SLC2A4: variants seen among roughly 807,000 people sequenced by gnomAD.
SLC2A4 encodes solute carrier family 2 member 4.
Under a neutral mutation model 53.3 loss-of-function variants are expected in SLC2A4, and 31 were observed. The ratio of observed to expected loss-of-function variants is 0.58; its 90% confidence interval spans 0.44 to 0.78. The LOEUF (loss-of-function observed/expected upper bound fraction) is 0.78, where lower values mean the gene tolerates loss of function less well. SLC2A4 is among the 30% of genes least tolerant of loss of function. The pLI is 0.00. For synonymous variants in SLC2A4, 276 were observed against 281.9 expected (o/e 0.98, Z 0.21); for missense variants, 538 against 655.7 (o/e 0.82, Z 1.96).
chr17:7,284,352 C>G lies in SLC2A4; in HGVS notation c.700C>G (p.Gln234Glu), dbSNP rs755126006. 1.9e-6 allele frequency: 3 copies of G among 1,614,162 alleles called. No individual in the cohort carries two copies. In the East Asian group the frequency reaches 6.7e-5, roughly 36 times the overall value. The change falls in exon 6 of 11, where the codon CAG becomes GAG. Residue 234 changes from glutamine (Q) to glutamate (E), a missense_variant. Transcript: ENST00000317370. This position sits in a 1 kb window ranked among gnomAD's most constrained non-coding sequence, Gnocchi z 7.5. ...GAGCCCCCGCTACCTCTACATCATCCAGAATCTCGAGGGGCCTGCCAGAAA... is the reference window on the plus strand; with the variant it reads ...GAGCCCCCGCTACCTCTACATCATCGAGAATCTCGAGGGGCCTGCCAGAAA... ...PESPRYLYII[Q>E]NLEGPARKSL...
In SLC2A4 at chr17:7,282,437, G is replaced by A; in HGVS notation, c.33+470G>A. 2.2e-6 allele frequency: 1 copy of A among 456,572 alleles called. No individual in the cohort carries two copies. Among genetic ancestry groups the A allele is most frequent in the Non-Finnish European group, 4.4e-6 (1 of 227,192 alleles). The allele number at this position is 456,572 out of a possible 1,614,324, so 28.3% of individuals were successfully genotyped here. A position where few individuals can be genotyped will look rare whatever the true frequency, so the allele number is the denominator to read the frequency against. ...CTTTCCCTTGGCCCCATGGTTGGTG[G>A]AGGGGCAGAGGGGACTGTCAGCCCC... is the stretch of plus-strand genomic sequence containing the variant. On this transcript the variant is annotated intron_variant, in intron 1 of 10. Transcript: ENST00000317370. The surrounding 1 kb of genome is among the most constrained non-coding windows in gnomAD (Gnocchi z 4.1).
At position 7,282,028 on chromosome 17, in the gene SLC2A4, G is replaced by A; in HGVS notation, c.33+61G>A. ...ACGGGTCCCGCTTTTCTTGGGCTGG[G>A]GTCGCGGTTGGGGTCAGCTGGGGGT... On this transcript the variant is annotated intron_variant, in intron 1 of 10. Transcript: ENST00000317370. The surrounding 1 kb of genome is among the most constrained non-coding windows in gnomAD (Gnocchi z 4.1). 1 of 1,458,480 alleles carries A rather than the reference G, an allele frequency of 6.9e-7. No individual in the cohort carries two copies. Among genetic ancestry groups the A allele is most frequent in the Non-Finnish European group, 9.5e-7 (1 of 1,054,290 alleles). The allele number at this position is 1,458,480 out of a possible 1,614,324, so 90.3% of individuals were successfully genotyped here.
In SLC2A4 at chr17:7,281,938, C is replaced by A; in HGVS notation, c.4C>A (p.Pro2Thr). The change falls in exon 1 of 11, where the codon CCG (proline) becomes ACG (threonine). Residue 2 changes from proline (P) to threonine (T), a missense_variant. Pro to Thr is a conservative substitution (Grantham distance 38, BLOSUM62 -1). Transcript: ENST00000317370. M[P>T]SGFQQIGSED... ...CGTCCAGCTCTTCTAAGACGAGATG[C>A]CGTCGGGCTTCCAACAGATAGGCTC... 1 of 1,605,568 alleles carries A rather than the reference C, an allele frequency of 6.2e-7. No homozygotes were observed.
Position 7,281,980 on chromosome 17 carries a change from A to AAT in SLC2A4, c.33+13_33+14insAT. ...GATAGGCTCCGAAGTAGGATTCATC[A>AAT]TGAGGGGGCGGGGCGGGGGGGCACG... On this transcript the variant is annotated intron_variant, in intron 1 of 10. Transcript: ENST00000317370. The AAT allele has an allele frequency of 1.9e-6, 1 of 533,734 alleles. No homozygotes were observed. The highest frequency in any genetic ancestry group is 3.6e-6 in the Non-Finnish European group (1 of 274,594). 33.1% of individuals were successfully genotyped at this position (533,734 alleles called of 1,614,324 possible).
rs751927396 is a variant in SLC2A4 at position 7,283,763 on chromosome 17, G to A, written c.349G>A (p.Val117Ile). The A allele has an allele frequency of 1.1e-5, 18 of 1,614,128 alleles. No individual in the cohort carries two copies. The highest frequency in any genetic ancestry group is 1.7e-5 in the Admixed American group (1 of 60,028). The change falls in exon 4 of 11, where the codon GTC (valine) becomes ATC (isoleucine). Residue 117 changes from valine (V) to isoleucine (I), a missense_variant. Coordinates refer to ENST00000317370, the MANE Select transcript of SLC2A4 (RefSeq NM_001042.3). This position sits in a 1 kb window ranked among gnomAD's most constrained non-coding sequence, Gnocchi z 5.8. ...GAAAAGGGCCATGCTGGTCAACAAT[G>A]TCCTGGCGGTGCTGGGGGGCAGCCT... is the stretch of plus-strand genomic sequence containing the variant. ...GRKRAMLVNN[V>I]LAVLGGSLMG...
chr17:7,282,258 A>G lies in SLC2A4; in HGVS notation c.33+291A>G. ...GGCGCGGCGCTCCGGAATCGGGGAC[A>G]CCCTGCCCTCGATCCGACTCGGGAA... On this transcript the variant is annotated intron_variant, in intron 1 of 10. Transcript: ENST00000317370. This position sits in a 1 kb window ranked among gnomAD's most constrained non-coding sequence, Gnocchi z 4.1. 8.4e-6 allele frequency: 5 copies of G among 595,818 alleles called. No homozygotes were observed. Among genetic ancestry groups the G allele is most frequent in the South Asian group, 7.9e-5 (5 of 63,278 alleles). 36.9% of individuals were successfully genotyped at this position (595,818 alleles called of 1,614,324 possible).
rs768453800 is a variant in SLC2A4 at position 7,285,832 on chromosome 17, C to T, written c.1250C>T (p.Pro417Leu). ...VAELFSQGPR[P>L]AAMAVAGFSN... Reference sequence around the variant, plus strand: ...GAGCTCTTCAGCCAGGGACCCCGCCCGGCAGCCATGGCTGTGGCTGGTTTC... The same window carrying T: ...GAGCTCTTCAGCCAGGGACCCCGCCTGGCAGCCATGGCTGTGGCTGGTTTC... Residue 417 changes from proline to leucine, a missense_variant, in exon 10 of 11, where the codon CCG (proline) becomes CTG (leucine). Coordinates refer to ENST00000317370, the MANE Select transcript of SLC2A4 (RefSeq NM_001042.3). The surrounding 1 kb of genome is among the most constrained non-coding windows in gnomAD (Gnocchi z 6.0). 12 of 1,614,098 alleles carry T rather than the reference C, an allele frequency of 7.4e-6. No individual in the cohort carries two copies. The highest frequency in any genetic ancestry group is 4.5e-5 in the East Asian group (2 of 44,898).
At position 7,285,268 on chromosome 17, in the gene SLC2A4, C is replaced by T; in HGVS notation, c.1122+79C>T. 1 of 1,175,484 alleles carries T rather than the reference C, an allele frequency of 8.5e-7. No homozygotes were observed. The highest frequency in any genetic ancestry group is 1.2e-6 in the Non-Finnish European group (1 of 814,188). The allele number at this position is 1,175,484 out of a possible 1,614,324, so 72.8% of individuals were successfully genotyped here. A position where few individuals can be genotyped will look rare whatever the true frequency, so the allele number is the denominator to read the frequency against. ...GTGAGTCTCTGTGACCAGCCAGGGT[C>T]CCTTCTTAACACACATGCTTTCAAT... is the stretch of plus-strand genomic sequence containing the variant. On this transcript the variant is annotated intron_variant, in intron 9 of 10. Coordinates refer to ENST00000317370, the MANE Select transcript of SLC2A4 (RefSeq NM_001042.3). This position sits in a 1 kb window ranked among gnomAD's most constrained non-coding sequence, Gnocchi z 6.0.
Position 7,284,743 on chromosome 17 carries a change from T to C in SLC2A4, c.915+71T>C, listed in dbSNP as rs1402970302. On this transcript the variant is annotated intron_variant, in intron 7 of 10. Transcript: ENST00000317370. The surrounding 1 kb of genome is among the most constrained non-coding windows in gnomAD (Gnocchi z 7.5). ...AGACGAGAGTGGGGAGCAAACCCCC[T>C]CCACCAACACCCAGGGTAGGGCCAG... 1 of 1,608,616 alleles carries C rather than the reference T, an allele frequency of 6.2e-7. No homozygotes were observed. Among genetic ancestry groups the C allele is most frequent in the Non-Finnish European group, 8.5e-7 (1 of 1,175,340 alleles).
rs1445708172 is a variant in SLC2A4 at position 7,283,424 on chromosome 17, G to T, written c.151-49G>T. 3.7e-6 allele frequency: 6 copies of T among 1,612,288 alleles called. No homozygotes were observed. Among genetic ancestry groups the T allele is most frequent in the Non-Finnish European group, 5.1e-6 (6 of 1,178,970 alleles). ...CGAGGAGGACAGGTGTCTCGGGGGTGGTGGAAAGGGGACGGTCTGCAGGAA... is the reference window on the plus strand; with the variant it reads ...CGAGGAGGACAGGTGTCTCGGGGGTTGTGGAAAGGGGACGGTCTGCAGGAA... On this transcript the variant is annotated intron_variant, in intron 2 of 10. Coordinates refer to ENST00000317370, the MANE Select transcript of SLC2A4 (RefSeq NM_001042.3). The surrounding 1 kb of genome is among the most constrained non-coding windows in gnomAD (Gnocchi z 5.8).
Position 7,281,825 on chromosome 17 carries a change from CG to C in SLC2A4, c.-107del, listed in dbSNP as rs1033814521. The C allele has an allele frequency of 2.5e-6, 3 of 1,186,742 alleles. No homozygotes were observed. The highest frequency in any genetic ancestry group is 3.7e-6 in the Non-Finnish European group (3 of 816,212). The allele number at this position is 1,186,742 out of a possible 1,614,324, so 73.5% of individuals were successfully genotyped here. ...TCGGGCCCGCCCTCGCACGTCACTC[CG>C]GGACCCCCGCGGCCTCCGCAGGTTC... On this transcript the variant is annotated 5_prime_UTR_variant, in exon 1 of 11. Coordinates refer to ENST00000317370, the MANE Select transcript of SLC2A4 (RefSeq NM_001042.3).
chr17:7,283,274 T>A lies in SLC2A4; in HGVS notation c.63T>A (p.Thr21=), dbSNP rs781438718. 3 of 1,614,066 alleles carry A rather than the reference T, an allele frequency of 1.9e-6. No homozygotes were observed. Among genetic ancestry groups the A allele is most frequent in the Non-Finnish European group, 2.5e-6 (3 of 1,180,020 alleles). Reference sequence around the variant, plus strand: ...GGGAACCCCCTCAGCAGCGAGTGACTGGGACCCTGGTCCTTGCTGTGTTCT... The same window carrying A: ...GGGAACCCCCTCAGCAGCGAGTGACAGGGACCCTGGTCCTTGCTGTGTTCT... The part of the protein sequence containing the change: ...EDGEPPQQRV[T]GTLVLAVFSA... Residue 21 remains threonine, a synonymous_variant, in exon 2 of 11, where the codon ACT becomes ACA. Coordinates refer to ENST00000317370, the MANE Select transcript of SLC2A4 (RefSeq NM_001042.3). The surrounding 1 kb of genome is among the most constrained non-coding windows in gnomAD (Gnocchi z 5.8).
chr17:7,284,847 T>G lies in SLC2A4; in HGVS notation c.928T>G (p.Ser310Ala). 1 of 1,614,196 alleles carries G rather than the reference T, an allele frequency of 6.2e-7. No individual in the cohort carries two copies. The highest frequency in any genetic ancestry group is 8.5e-7 in the Non-Finnish European group (1 of 1,180,032). Residue 310 changes from serine to alanine, a missense_variant, in exon 8 of 11, where the codon TCG (serine) becomes GCG (alanine). Transcript: ENST00000317370. This position sits in a 1 kb window ranked among gnomAD's most constrained non-coding sequence, Gnocchi z 7.5. ...LSGINAVFYYSTSIFETAGVG... is the reference protein window; with the variant it reads ...LSGINAVFYYATSIFETAGVG... ...CCCCCACCTCTAGGTTTTCTATTAT[T>G]CGACCAGCATCTTCGAGACAGCAGG...
chr17:7,283,556 C>T lies in SLC2A4; in HGVS notation c.234C>T (p.Thr78=). Residue 78 remains threonine (T), a synonymous_variant, in exon 3 of 11, where the codon ACC becomes ACT. Coordinates refer to ENST00000317370, the MANE Select transcript of SLC2A4 (RefSeq NM_001042.3). This position sits in a 1 kb window ranked among gnomAD's most constrained non-coding sequence, Gnocchi z 5.8. ...GPSSIPPGTL[T]TLWALSVAIF... ...GCTCCATCCCTCCAGGCACCCTCAC[C>T]ACCCTCTGGGCCCTCTCCGTGGCCA... is the stretch of plus-strand genomic sequence containing the variant. The T allele has an allele frequency of 6.2e-7, 1 of 1,614,088 alleles. No homozygotes were observed. The highest frequency in any genetic ancestry group is 2.2e-5 in the East Asian group (1 of 44,876).
Position 7,283,417 on chromosome 17 carries a change from CG to C in SLC2A4, c.151-51del, listed in dbSNP as rs1456280891. ...ACCCAAACGAGGAGGACAGGTGTCT[CG>C]GGGGTGGTGGAAAGGGGACGGTCTG... is the stretch of plus-strand genomic sequence containing the variant. On this transcript the variant is annotated intron_variant, in intron 2 of 10. Coordinates refer to ENST00000317370, the MANE Select transcript of SLC2A4 (RefSeq NM_001042.3). This position sits in a 1 kb window ranked among gnomAD's most constrained non-coding sequence, Gnocchi z 5.8. 1.6e-5 allele frequency: 26 copies of C among 1,611,688 alleles called. No individual in the cohort carries two copies. The highest frequency in any genetic ancestry group is 2.2e-5 in the East Asian group (1 of 44,838).
At position 7,283,931 on chromosome 17, in the gene SLC2A4, G is replaced by T; in HGVS notation, c.449-43G>T. On this transcript the variant is annotated intron_variant, in intron 4 of 10. Coordinates refer to ENST00000317370, the MANE Select transcript of SLC2A4 (RefSeq NM_001042.3). This position sits in a 1 kb window ranked among gnomAD's most constrained non-coding sequence, Gnocchi z 5.8. ...TCACCATGCCTGGGCTTTCAGATGG[G>T]AATGGACACCTGCCCTCAGCCCTCT... 1 of 1,613,778 alleles carries T rather than the reference G, an allele frequency of 6.2e-7. No homozygotes were observed. The highest frequency in any genetic ancestry group is 8.5e-7 in the Non-Finnish European group (1 of 1,179,702).
At position 7,285,156 on chromosome 17, in the gene SLC2A4, T is replaced by C. The variant is rs1471407400; in HGVS notation, c.1089T>C (p.Cys363=). 1 of 1,603,236 alleles carries C rather than the reference T, an allele frequency of 6.2e-7. No individual in the cohort carries two copies. Among genetic ancestry groups the C allele is most frequent in the South Asian group, 1.1e-5 (1 of 89,218 alleles). The change falls in exon 9 of 11, where the codon TGT becomes TGC. Residue 363 remains cysteine (C), a synonymous_variant. Coordinates refer to ENST00000317370, the MANE Select transcript of SLC2A4 (RefSeq NM_001042.3). The surrounding 1 kb of genome is among the most constrained non-coding windows in gnomAD (Gnocchi z 6.0). ...HLLGLAGMCG[C]AILMTVALLL... Reference sequence around the variant, plus strand: ...TGGGCCTGGCGGGCATGTGTGGCTGTGCCATCCTGATGACTGTGGCTCTGC... The same window carrying C: ...TGGGCCTGGCGGGCATGTGTGGCTGCGCCATCCTGATGACTGTGGCTCTGC...
chr17:7,281,904 G>C lies in SLC2A4; in HGVS notation c.-31G>C. The stretch of plus-strand genomic sequence containing the variant: ...CAGGATCGGTTCTTTCATCTTCGCC[G>C]CCCCTGCGCGTCCAGCTCTTCTAAG... On this transcript the variant is annotated 5_prime_UTR_variant, in exon 1 of 11. Coordinates refer to ENST00000317370, the MANE Select transcript of SLC2A4 (RefSeq NM_001042.3). The C allele has an allele frequency of 6.4e-7, 1 of 1,562,542 alleles. No homozygotes were observed. The highest frequency in any genetic ancestry group is 8.7e-7 in the Non-Finnish European group (1 of 1,151,090).
chr17:7,283,847 A>T lies in SLC2A4; in HGVS notation c.433A>T (p.Ile145Phe), dbSNP rs556550629. 2.5e-5 allele frequency: 41 copies of T among 1,614,076 alleles called. No homozygotes were observed. Among genetic ancestry groups the T allele is most frequent in the Non-Finnish European group, 3.4e-5 (40 of 1,179,996 alleles). ...YEMLILGRFL[I>F]GAYSGLTSGL... The stretch of plus-strand genomic sequence containing the variant: ...AATGCTCATCCTTGGACGATTCCTC[A>T]TTGGCGCCTACTCAGGTACTCACGG... The change falls in exon 4 of 11, where the codon ATT becomes TTT. Residue 145 changes from isoleucine to phenylalanine, a missense_variant. By Grantham distance (21) the Ile-to-Phe change is conservative. Coordinates refer to ENST00000317370, the MANE Select transcript of SLC2A4 (RefSeq NM_001042.3). The surrounding 1 kb of genome is among the most constrained non-coding windows in gnomAD (Gnocchi z 5.8).
Sources: gnomAD v4.1 joint callset for allele counts on GRCh38, gnomAD v4.1.1 for gene constraint, Gnocchi (gnomAD v3.1) non-coding constraint, MANE v1.5 for transcripts, NCBI Gene and HGNC (gene_info 2026-07-23, HGNC 2026-07-21) for gene names.